The following PRRC2B variants were observed in gnomAD, a reference collection of about 807,000 sequenced individuals.
The protein encoded by PRRC2B is protein PRRC2B.
In PRRC2B, 68 loss-of-function variants were observed where a neutral mutation model predicts 242.3. That is an observed-to-expected ratio of 0.28 (90% CI 0.23 to 0.34). The LOEUF (loss-of-function observed/expected upper bound fraction) is 0.34, where lower values mean the gene tolerates loss of function less well. Ranked by LOEUF, PRRC2B falls within the 10% of genes least tolerant of loss-of-function variation. The probability of loss-of-function intolerance (pLI) is 1.00; values close to 1 mark genes in which losing one functional copy is unlikely to be tolerated. For missense variants in PRRC2B, 2,835 were observed against 2,954.8 expected (o/e 0.96, Z 0.94); for synonymous variants, 1,228 against 1,173.6 (o/e 1.05, Z -0.95).
intron 1 of PRRC2B, among the ~76,000 whole-genome samples, chr9:131,412,637 C>G (rs1022642224): frequency 6.6e-6 from 1 of 152,248 alleles, no homozygotes; most frequent in African/African-American, 2.4e-5. Context: ...AAAGATGTTG[C>G]TTCTTTGCAA....
intron 8 of PRRC2B, 139 bp downstream of exon 8, chr9:131,447,345 G>A: frequency 9.3e-7 from 1 of 1,078,254 alleles, no homozygotes; most frequent in Non-Finnish European, 1.3e-6. Flanking sequence ...GGCAGGGTGT[G>A]TGGGGTGGTG....
chr9:131,424,298 G>C (rs1002323556), intron 1 of PRRC2B, among the ~76,000 whole-genome samples: 1 of 151,992 alleles, frequency 6.6e-6, no homozygotes, highest in African/African-American at 2.4e-5. Flanking sequence ...TTGATTTTAG[G>C]GTCAGTGCTT....
Position 131,430,103 on chromosome 9 carries a change from G to A in PRRC2B, c.-42G>A, listed in dbSNP as rs778636778. 39 of 1,077,764 alleles carry A rather than the reference G, an allele frequency of 3.6e-5. No individual in the cohort carries two copies. The highest frequency in any genetic ancestry group is 5.1e-5 in the East Asian group (2 of 38,924). 66.8% of individuals were successfully genotyped at this position (1,077,764 alleles called of 1,614,324 possible). A position where few individuals can be genotyped will look rare whatever the true frequency, so the allele number is the denominator to read the frequency against. ...TCTATTTCAAAGGCAGATCGGGAGCGGTGCCGAGAAAAATTTCCTTACTAG... is the reference window on the plus strand; with the variant it reads ...TCTATTTCAAAGGCAGATCGGGAGCAGTGCCGAGAAAAATTTCCTTACTAG... On this transcript the variant is annotated 5_prime_UTR_variant, in exon 2 of 32. Coordinates refer to ENST00000683519, the MANE Select transcript of PRRC2B (RefSeq NM_013318.4).
intron 9 of PRRC2B, among the ~76,000 whole-genome samples, chr9:131,454,810 A>G (rs979725095): frequency 6.6e-6 from 1 of 151,906 alleles, no homozygotes; most frequent in Non-Finnish European, 1.5e-5. Flanking sequence ...TAATTTTTGT[A>G]TTTTTAGTAG....
chr9:131,486,616 T>C lies in PRRC2B; in HGVS notation c.5856+434T>C, dbSNP rs184921538. 4 of 871,070 alleles carry C rather than the reference T, an allele frequency of 4.6e-6. No individual in the cohort carries two copies. In the Admixed American group the frequency reaches 1.9e-4, roughly 40 times the overall value. 54.0% of individuals were successfully genotyped at this position (871,070 alleles called of 1,614,324 possible). On this transcript the variant is annotated intron_variant, in intron 26 of 31. Transcript: ENST00000683519. ...CTTTCTGTGCTGCCAAGGGGTGATTTTTGGAAGTCTCCCCTCTAATGCTGG... is the reference window on the plus strand; with the variant it reads ...CTTTCTGTGCTGCCAAGGGGTGATTCTTGGAAGTCTCCCCTCTAATGCTGG...
In PRRC2B at chr9:131,475,574, C is replaced by T. The variant is rs776831233; in HGVS notation, c.3445C>T (p.Arg1149Trp). ...SEYEELPKRRRQRGSENGNEG... is the reference protein window; with the variant it reads ...SEYEELPKRRWQRGSENGNEG... Reference sequence around the variant, plus strand: ...GTATGAAGAACTTCCCAAGCGCCGCCGGCAGAGGGGCTCCGAGAACGGGAA... The same window carrying T: ...GTATGAAGAACTTCCCAAGCGCCGCTGGCAGAGGGGCTCCGAGAACGGGAA... Residue 1149 changes from arginine (R) to tryptophan (W), a missense_variant, in exon 16 of 32, where the codon CGG becomes TGG. Physicochemically the swap from Arg to Trp is moderately radical, Grantham distance 101. Coordinates refer to ENST00000683519, the MANE Select transcript of PRRC2B (RefSeq NM_013318.4). The T allele has an allele frequency of 1.2e-5, 19 of 1,612,720 alleles. No individual in the cohort carries two copies. The highest frequency in any genetic ancestry group is 8.3e-5 in the Admixed American group (5 of 59,954).
rs186395327 is a variant in PRRC2B at position 131,476,038 on chromosome 9, C to T, written c.3909C>T (p.Arg1303=). Residue 1303 remains arginine, a synonymous_variant, in exon 16 of 32, where the codon CGC becomes CGT. Coordinates refer to ENST00000683519, the MANE Select transcript of PRRC2B (RefSeq NM_013318.4). ...NAENRPFRRR[R]PPRQDKPPRF... ...AGAACCGGCCCTTCAGGAGAAGGCG[C>T]CCCCCACGCCAAGATAAGCCCCCTC... The T allele has an allele frequency of 1.2e-5, 20 of 1,604,908 alleles. 1 individual carries two copies. The East Asian group carries it at 2.9e-4, about 23-fold the overall frequency.
chr9:131,464,026 C>A (rs991685217), intron 11 of PRRC2B, among the ~76,000 whole-genome samples: 2 of 151,822 alleles, frequency 1.3e-5, no homozygotes, highest in Non-Finnish European at 2.9e-5. Flanking sequence ...ACTGCAACTT[C>A]TACCTCCCAG....
chr9:131,495,904 T>C lies in PRRC2B; in HGVS notation c.*30T>C, dbSNP rs758346201. The C allele has an allele frequency of 6.3e-7, 1 of 1,590,218 alleles. No individual in the cohort carries two copies. Among genetic ancestry groups the C allele is most frequent in the South Asian group, 1.1e-5 (1 of 90,680 alleles). Reference sequence around the variant, plus strand: ...GCCTGGCTGCCACCTCGCCTCTCCCTACTGAGGACGGTGCCGCCATGCGGC... The same window carrying C: ...GCCTGGCTGCCACCTCGCCTCTCCCCACTGAGGACGGTGCCGCCATGCGGC... On this transcript the variant is annotated 3_prime_UTR_variant, in exon 32 of 32. Transcript: ENST00000683519.
chr9:131,424,934 T>G (rs1279867977), intron 1 of PRRC2B, among the ~76,000 whole-genome samples: 1 of 152,102 alleles, frequency 6.6e-6, no homozygotes, highest in Non-Finnish European at 1.5e-5. Flanking sequence ...TAAACACAAT[T>G]CTAAATTTCT....
rs1332897862 is a variant in PRRC2B, at chr9:131,495,763, A to G, written c.6579A>G (p.Lys2193=). ...VQQAKQRVDE[K]PSLGAVKLQE... The stretch of plus-strand genomic sequence containing the variant: ...AGGCAAAACAACGAGTGGATGAGAA[A>G]CCCAGCCTGGGAGCCGTGAAGCTGC... The change falls in exon 32 of 32, where the codon AAA becomes AAG. Residue 2193 remains lysine, a synonymous_variant. Coordinates refer to ENST00000683519, the MANE Select transcript of PRRC2B (RefSeq NM_013318.4). 3 of 1,611,964 alleles carry G rather than the reference A, an allele frequency of 1.9e-6. No individual in the cohort carries two copies. Among genetic ancestry groups the G allele is most frequent in the East Asian group, 2.2e-5 (1 of 44,818 alleles).
intron 1 of PRRC2B, among the ~76,000 whole-genome samples, chr9:131,374,092 A>G (rs948572880): frequency 1.3e-5 from 2 of 152,088 alleles, no homozygotes; most frequent in Non-Finnish European, 2.9e-5. Context: ...TCGTCTACAA[A>G]GAAAAGGTAA....
chr9:131,478,649 G>GGCCCCGGGGC, intron 18 of PRRC2B, 30 bp downstream of exon 18: 1 of 504,562 alleles, frequency 2.0e-6, no homozygotes, highest in Non-Finnish European at 4.0e-6. Context: ...GGGGCATGGG[G>GGCCCCGGGGC]CTGGAGGGCA....
intron 19 of PRRC2B, among the ~76,000 whole-genome samples, chr9:131,480,909 A>T (rs1943841696): frequency 6.6e-6 from 1 of 151,952 alleles, no homozygotes; most frequent in Non-Finnish European, 1.5e-5. Flanking sequence ...GGTGGCTCAC[A>T]CCTATAATCC....
chr9:131,440,595 G>T (rs578248739), intron 5 of PRRC2B, among the ~76,000 whole-genome samples: 1 of 152,180 alleles, frequency 6.6e-6, no homozygotes, highest in East Asian at 1.9e-4. Context: ...AATTATACTC[G>T]CCCGTGTGTG....
At chr9:131,425,131 G>A (rs984737557) in intron 1 of PRRC2B, among the ~76,000 whole-genome samples, 6 of 152,042 alleles carry the variant, frequency 3.9e-5, no homozygotes, top group South Asian at 4.1e-4. Context: ...GATTACAGGC[G>A]TGCACCACCA....
intron 1 of PRRC2B, among the ~76,000 whole-genome samples, chr9:131,421,060 G>A (rs953545392): frequency 1.3e-5 from 2 of 152,174 alleles, no homozygotes; most frequent in Non-Finnish European, 2.9e-5. Context: ...ATTGTCTGGG[G>A]CTACTTCCAT....
chr9:131,400,940 A>G (rs1279626475), intron 1 of PRRC2B, among the ~76,000 whole-genome samples: 1 of 148,904 alleles, frequency 6.7e-6, no homozygotes, highest in African/African-American at 2.5e-5. Context: ...CTTTGGCCTC[A>G]TCCTCTTGTG....
At chr9:131,466,034 C>G (rs1259184967) in intron 12 of PRRC2B, among the ~76,000 whole-genome samples, 2 of 152,206 alleles carry the variant, frequency 1.3e-5, no homozygotes, top group African/African-American at 4.8e-5. Context: ...CAACACGGCC[C>G]TATTTAAGAG....
Sources: allele counts gnomAD v4.1 joint callset (sites outside exome capture counted in the v4.1 genomes callset), GRCh38; gene constraint gnomAD v4.1.1; transcripts MANE v1.5; gene names NCBI Gene and HGNC (gene_info 2026-07-23, HGNC 2026-07-21).